GATAD2A: variants seen among roughly 807,000 people sequenced by gnomAD.
The protein encoded by GATAD2A is GATA zinc finger domain containing 2A.
Under a neutral mutation model 68.5 loss-of-function variants are expected in GATAD2A, and 12 were observed. The observed-to-expected ratio is 0.18, with a 90% CI of 0.11 to 0.28. GATAD2A has a LOEUF of 0.28. GATAD2A is among the 10% of genes least tolerant of loss of function. GATAD2A has a pLI of 1.00. For synonymous variants in GATAD2A, 410 were observed against 375.3 expected, an observed-to-expected ratio of 1.09 and a Z score of -1.07; for missense variants, 755 against 868.5, an observed-to-expected ratio of 0.87 and a Z score of 1.64.
intron 1 of GATAD2A, among the ~76,000 whole-genome samples, chr19:19,419,510 C>CT (rs57019208): frequency 0.033 from 3,626 of 110,584 alleles, 113 homozygotes; most frequent in Admixed American, 0.044. Flanking sequence ...ATCTCTACAT[C>CT]TTTTTTTTTT....
At chr19:19,440,986 T>TTTCCTTCCTTTCCTTCCC (rs2054989880) in intron 1 of GATAD2A, among the ~76,000 whole-genome samples, 10 of 73,790 alleles carry the variant, frequency 1.4e-4, no homozygotes, top group African/African-American at 6.3e-4. Flanking sequence ...CTTTCCTTCC[T>TTTCCTTCCTTTCCTTCCC]TTCCTTCCCT....
At chr19:19,469,878 C>T (rs983349255) in intron 2 of GATAD2A, among the ~76,000 whole-genome samples, 7 of 151,098 alleles carry the variant, frequency 4.6e-5, no homozygotes, top group Non-Finnish European at 7.4e-5. Context: ...ATCCGTGAAG[C>T]GGAGGTTGCA....
intron 1 of GATAD2A, among the ~76,000 whole-genome samples, chr19:19,408,184 A>G (rs1162897367): frequency 6.6e-6 from 1 of 152,126 alleles, no homozygotes; most frequent in Non-Finnish European, 1.5e-5. Flanking sequence ...ACGGGGTTTC[A>G]CCATGCTGGC....
Position 19,420,128 on chromosome 19 carries a change from A to G in GATAD2A, c.-7+14109A>G, listed in dbSNP as rs192998580. Among the ~76,000 whole-genome samples the G allele has an allele frequency of 8.7e-4, 122 of 139,832 alleles. 3 individuals are homozygous for G. Among genetic ancestry groups the G allele is most frequent in the African/African-American group, 3.1e-3 (114 of 36,822 alleles). The allele number at this position is 139,832 out of a possible 152,430, so 91.7% of individuals were successfully genotyped here. On this transcript the variant is annotated intron_variant, in intron 1 of 11. Coordinates refer to ENST00000683918, the MANE Select transcript of GATAD2A (RefSeq NM_001384528.1). ...CAGGTTCAAGCGATTCTCCTGTCTC[A>G]GCCCCCTGAGTAGCTGGGATTATAG... is the stretch of plus-strand genomic sequence containing the variant.
At position 19,471,128 on chromosome 19, in the gene GATAD2A, C is replaced by T. The variant is rs1029719197; in HGVS notation, c.269+5514C>T. 2.0e-5 allele frequency among the ~76,000 whole-genome samples: 3 copies of T among 152,036 alleles called. No individual in the cohort carries two copies. The South Asian group carries it at 6.2e-4, about 32-fold the overall frequency. On this transcript the variant is annotated intron_variant, in intron 2 of 11. Transcript: ENST00000683918. ...GAAATTTGCCTGGTGTGGTGGCGTG[C>T]ACCTGTAGTCCCAGCTACGTGGGAG...
rs1206566423 is a variant in GATAD2A, at chr19:19,411,504, C to T, written c.-7+5485C>T. On this transcript the variant is annotated intron_variant, in intron 1 of 11. Transcript: ENST00000683918. ...GCTGGAAGTAGGTGGTTTGATGGTA[C>T]TTGCAGTGGTGTCTGGGAGCGCCAG... 4.6e-5 allele frequency among the ~76,000 whole-genome samples: 7 copies of T among 152,202 alleles called. No individual in the cohort carries two copies. In the East Asian group the frequency reaches 1.3e-3, roughly 29 times the overall value.
chr19:19,439,298 A>C (rs2054718378), intron 1 of GATAD2A, among the ~76,000 whole-genome samples: 1 of 152,196 alleles, frequency 6.6e-6, no homozygotes, highest in Non-Finnish European at 1.5e-5. Flanking sequence ...CTGGGTGTTA[A>C]GGATCAAAAA....
upstream of GATAD2A, among the ~76,000 whole-genome samples, chr19:19,401,212 CTTTTT>C (rs1187049852): frequency 1.1e-5 from 1 of 91,826 alleles, no homozygotes; most frequent in South Asian, 4.3e-4. Flanking sequence ...AAAAACTTGG[CTTTTT>C]TTTTTTTTTT....
chr19:19,492,770 T>G (rs1285475104), intron 4 of GATAD2A, 58 bp downstream of exon 4: 2 of 1,581,846 alleles, frequency 1.3e-6, no homozygotes, highest in Non-Finnish European at 1.7e-6. Flanking sequence ...CTTGCCTTGA[T>G]CCCCTCATCA....
upstream of GATAD2A, among the ~76,000 whole-genome samples, chr19:19,402,860 G>A (rs970339528): frequency 4.1e-5 from 6 of 145,476 alleles, no homozygotes; most frequent in Admixed American, 7.1e-5. Context: ...TGCAACCTCC[G>A]CCTCTTGGGT....
chr19:19,494,164 C>CT, intron 4 of GATAD2A, 130 bp from the exon 5 acceptor site: 1 of 589,608 alleles, frequency 1.7e-6, no homozygotes, highest in African/African-American at 1.9e-5. Context: ...AGCAGAACCT[C>CT]TGAGCGCCTG....
chr19:19,467,309 G>A (rs1452962051), intron 2 of GATAD2A, among the ~76,000 whole-genome samples: 1 of 152,140 alleles, frequency 6.6e-6, no homozygotes, highest in African/African-American at 2.4e-5. Context: ...CTGGGAGGCG[G>A]AGCTTGCAAT....
At chr19:19,455,402 A>AT (rs2056834423) in intron 1 of GATAD2A, among the ~76,000 whole-genome samples, 2 of 151,992 alleles carry the variant, frequency 1.3e-5, no homozygotes, top group Non-Finnish European at 1.5e-5. Flanking sequence ...AGGCAGGAGA[A>AT]TTGCTTGAAC....
At chr19:19,495,119 C>T (rs113746673) in intron 5 of GATAD2A, among the ~76,000 whole-genome samples, 40 of 151,934 alleles carry the variant, frequency 2.6e-4, no homozygotes, top group Non-Finnish European at 4.0e-4. Flanking sequence ...CCTCAGCCTC[C>T]CAAGTAGCCA....
chr19:19,487,404 G>A (rs4808963), intron 2 of GATAD2A, among the ~76,000 whole-genome samples: 7,442 of 152,086 alleles, frequency 0.049, 258 homozygotes, highest in East Asian at 0.13. Context: ...CACCCTGCAA[G>A]GCAGGGGGAG....
At chr19:19,492,765 C>G (rs1327316742) in intron 4 of GATAD2A, 53 bp downstream of exon 4, 1 of 1,589,950 alleles carries the variant, frequency 6.3e-7, no homozygotes, top group Non-Finnish European at 8.6e-7. Context: ...CTGGCCTTGC[C>G]TTGATCCCCT....
intron 1 of GATAD2A, among the ~76,000 whole-genome samples, chr19:19,448,634 G>A (rs1437300382): frequency 1.3e-5 from 2 of 152,080 alleles, no homozygotes; most frequent in African/African-American, 2.4e-5. Context: ...GATTACAGGC[G>A]CCCACCACCA....
intron 1 of GATAD2A, among the ~76,000 whole-genome samples, chr19:19,409,581 C>T (rs1324535047): frequency 6.6e-6 from 1 of 152,134 alleles, no homozygotes; most frequent in East Asian, 1.9e-4. Context: ...GACTGTGGGT[C>T]TTCCAGGTTA....
intron 5 of GATAD2A, among the ~76,000 whole-genome samples, chr19:19,494,747 A>G (rs1210232684): frequency 6.6e-6 from 1 of 152,190 alleles, no homozygotes; most frequent in East Asian, 1.9e-4. Context: ...TCTCCCAGCC[A>G]TATGGCTGAG....
Sources: gnomAD v4.1 joint callset for allele counts (sites outside exome capture counted in the v4.1 genomes callset) on GRCh38, gnomAD v4.1.1 for gene constraint, MANE v1.5 for transcripts, NCBI Gene and HGNC (gene_info 2026-07-23, HGNC 2026-07-21) for gene names.